The following N4BP2L2 variants were observed in gnomAD, a reference collection of about 807,000 sequenced individuals.
The protein encoded by N4BP2L2 is NEDD4 binding protein 2 like 2.
In N4BP2L2, 50 loss-of-function variants were observed where a neutral mutation model predicts 56.2. The ratio of observed to expected loss-of-function variants is 0.89; its 90% CI spans 0.71 to 1.13. The LOEUF (loss-of-function observed/expected upper bound fraction) is 1.13. Among genes scored for constraint, N4BP2L2 ranks in the 50% most tolerant of loss-of-function variants. The pLI is 0.00. For missense variants in N4BP2L2, 689 were observed against 693.8 expected, an observed-to-expected ratio of 0.99 and a Z score of 0.08; for synonymous variants, 203 against 223.6, an observed-to-expected ratio of 0.91 and a Z score of 0.82.
exon 6 of N4BP2L2, chr13:32,513,845 A>C (rs1365444184): frequency 6.6e-6 from 1 of 152,220 alleles, no homozygotes; most frequent in Non-Finnish European, 1.5e-5. Flanking sequence ...AAGACTAGCA[A>C]GCCTATCTGG....
chr13:32,521,748 G>A lies in N4BP2L2; in HGVS notation c.1474-299C>T, dbSNP rs551969940. On this transcript the variant is annotated intron_variant, in intron 4 of 5. Coordinates refer to ENST00000267068, the Ensembl canonical transcript of N4BP2L2. ...CCCAGCACTTTGGGAGGCTGAGCAC[G>A]GCAGATGGGCTGAGCTCAGGAGTTC... 43 of 286,450 alleles carry A rather than the reference G, an allele frequency of 1.5e-4. 1 individual carries two copies. The East Asian group carries it at 1.6e-3, about 11-fold the overall frequency. The allele number at this position is 286,450 out of a possible 1,614,324, so 17.7% of individuals were successfully genotyped here.
At chr13:32,473,098 T>C (rs1442480921) in intron 6 of N4BP2L2, among the ~76,000 whole-genome samples, 1 of 151,966 alleles carries the variant, frequency 6.6e-6, no homozygotes, top group African/African-American at 2.4e-5. Context: ...CTGGCCAACA[T>C]AGTGAAACCC....
chr13:32,478,080 C>A, intron 6 of N4BP2L2: 1 of 1,285,050 alleles, frequency 7.8e-7, no homozygotes, highest in Non-Finnish European at 1.0e-6. Context: ...TATTCAGGCC[C>A]AGCTTATACA....
chr13:32,465,123 C>T (rs756504139), intron 6 of N4BP2L2, among the ~76,000 whole-genome samples: 4 of 151,992 alleles, frequency 2.6e-5, no homozygotes, highest in Non-Finnish European at 1.5e-5. Context: ...CCTGCCACCA[C>T]GCCCAGCTAA....
chr13:32,448,530 T>G (rs2077378434), intron 6 of N4BP2L2, among the ~76,000 whole-genome samples: 1 of 152,162 alleles, frequency 6.6e-6, no homozygotes, highest in Non-Finnish European at 1.5e-5. Context: ...GATGATGGCT[T>G]AGAATCCAAG....
chr13:32,535,025 G>A lies in N4BP2L2; in HGVS notation c.1259+744C>T, dbSNP rs542497695. On this transcript the variant is annotated intron_variant, in intron 2 of 5. Transcript: ENST00000267068. ...CAGATATTACTCACTTCAAACTCCT[G>A]AATTTTAAGAAATCAAAAAAGGGTT... Among the ~76,000 whole-genome samples, 14 of 152,254 alleles carry A rather than the reference G, an allele frequency of 9.2e-5. No homozygotes were observed. The East Asian group carries it at 2.5e-3, about 27-fold the overall frequency.
chr13:32,437,692 A>C (rs2075687096), intron 8 of N4BP2L2, among the ~76,000 whole-genome samples: 1 of 152,214 alleles, frequency 6.6e-6, no homozygotes, highest in South Asian at 2.1e-4. Context: ...CTACACATCT[A>C]ATTTGTAGCT....
At chr13:32,433,662 C>T (rs895057098) in intron 9 of N4BP2L2, among the ~76,000 whole-genome samples, 1 of 151,200 alleles carries the variant, frequency 6.6e-6, no homozygotes. Flanking sequence ...CACGGTGGCT[C>T]ATGCCTGTAA....
intron 6 of N4BP2L2, among the ~76,000 whole-genome samples, chr13:32,483,834 T>C (rs926850962): frequency 2.0e-5 from 3 of 151,914 alleles, no homozygotes; most frequent in Non-Finnish European, 2.9e-5. Context: ...CAATACAAAA[T>C]TAGCCAGGTG....
At chr13:32,492,408 G>A (rs753789652) in intron 6 of N4BP2L2, among the ~76,000 whole-genome samples, 1 of 148,776 alleles carries the variant, frequency 6.7e-6, no homozygotes, top group Admixed American at 6.9e-5. Flanking sequence ...TCAGCCTCCC[G>A]AGTAGCTGGG....
At chr13:32,468,831 CA>C (rs1422907937) in intron 6 of N4BP2L2, among the ~76,000 whole-genome samples, 2 of 152,218 alleles carry the variant, frequency 1.3e-5, no homozygotes, top group Non-Finnish European at 2.9e-5. Flanking sequence ...TATAGATAGA[CA>C]GGGGAGAGCC....
chr13:32,443,644 T>C (rs1357354938), exon 7 of N4BP2L2: 2 of 1,611,814 alleles, frequency 1.2e-6, no homozygotes, highest in African/African-American at 2.7e-5. Flanking sequence ...ATTTCTAATA[T>C]GCTTTTCTAC....
exon 7 of N4BP2L2, chr13:32,443,445 A>G (rs2076623723): frequency 6.2e-7 from 1 of 1,613,852 alleles, no homozygotes; most frequent in Non-Finnish European, 8.5e-7. Flanking sequence ...TTGTGAAAAA[A>G]GCCCAGTGAT....
At chr13:32,538,823 ACTAG>A, upstream of N4BP2L2, 1 of 985,486 alleles carries the variant, frequency 1.0e-6, no homozygotes, top group Non-Finnish European at 1.2e-6. Flanking sequence ...CCAGGCCAAA[ACTAG>A]GCGTTTGCGC....
At chr13:32,454,344 T>C (rs150267220) in intron 6 of N4BP2L2, among the ~76,000 whole-genome samples, 59 of 152,214 alleles carry the variant, frequency 3.9e-4, no homozygotes, top group African/African-American at 1.3e-3. Context: ...CAGTAGAATA[T>C]AGATTTTACA....
At chr13:32,473,043 G>A (rs987717454) in intron 6 of N4BP2L2, among the ~76,000 whole-genome samples, 1 of 152,158 alleles carries the variant, frequency 6.6e-6, no homozygotes, top group Non-Finnish European at 1.5e-5. Flanking sequence ...CACTTTGGGA[G>A]GCTGAGGTGG....
chr13:32,435,528 C>T (rs952171480), intron 9 of N4BP2L2, among the ~76,000 whole-genome samples: 3 of 152,204 alleles, frequency 2.0e-5, no homozygotes, highest in Non-Finnish European at 4.4e-5. Context: ...GCCACCACAC[C>T]TGGCCACATT....
At chr13:32,460,264 T>A (rs1477625141) in intron 6 of N4BP2L2, among the ~76,000 whole-genome samples, 1 of 152,162 alleles carries the variant, frequency 6.6e-6, no homozygotes, top group Non-Finnish European at 1.5e-5. Flanking sequence ...ATGCTCACCT[T>A]CATCACTCCT....
At chr13:32,507,073 T>C (rs998066789), downstream of N4BP2L2, 1 of 152,128 alleles carries the variant, frequency 6.6e-6, no homozygotes, top group Non-Finnish European at 1.5e-5. Flanking sequence ...TAGGAACAGA[T>C]TCAAGAGATA....
Sources: allele counts gnomAD v4.1 joint callset (sites outside exome capture counted in the v4.1 genomes callset), GRCh38; gene constraint gnomAD v4.1.1; transcripts MANE v1.5; gene names NCBI Gene and HGNC (gene_info 2026-07-23, HGNC 2026-07-21).